FOXK1: variants seen among roughly 807,000 people sequenced by gnomAD.
FOXK1 encodes the protein forkhead box protein K1.
A neutral mutation model predicts 51.9 loss-of-function variants in FOXK1; 19 were observed. The ratio of observed to expected loss-of-function variants is 0.37; its 90% CI spans 0.26 to 0.54. FOXK1 has a LOEUF of 0.54. FOXK1 is among the 20% of genes least tolerant of loss of function. The probability of loss-of-function intolerance (pLI) is 0.87; values close to 1 mark genes in which losing one functional copy is unlikely to be tolerated. For missense variants in FOXK1, 870 were observed against 1,032.7 expected (o/e 0.84, Z 2.16); for synonymous variants, 537 against 482.6 (o/e 1.11, Z -1.48).
Position 4,754,865 on chromosome 7 carries a change from C to G in FOXK1, c.903+250C>G, listed in dbSNP as rs2291492. The stretch of plus-strand genomic sequence containing the variant: ...CACCGAGGGCCCCTCCCGCCACGCT[C>G]CTTGTTCATCTGCCGCTGGCAGCCC... On this transcript the variant is annotated intron_variant, in intron 3 of 8. Transcript: ENST00000328914. 7 of 597,340 alleles carry G rather than the reference C, an allele frequency of 1.2e-5. No individual in the cohort carries two copies. In the East Asian group the frequency reaches 2.0e-4, roughly 17 times the overall value. The allele number at this position is 597,340 out of a possible 1,614,324, so 37.0% of individuals were successfully genotyped here. A position where few individuals can be genotyped will look rare whatever the true frequency, so the allele number is the denominator to read the frequency against.
rs766114576 is a variant in FOXK1, at chr7:4,759,229, G to A, written c.1411+12G>A. On this transcript the variant is annotated intron_variant, in intron 6 of 8. Coordinates refer to ENST00000328914, the MANE Select transcript of FOXK1 (RefSeq NM_001037165.2). ...CCAAAGCGCACCCGGTAAGGAGCGG[G>A]CGGCCCTCTTGCGGGGCGGGGCGGG... is the stretch of plus-strand genomic sequence containing the variant. The A allele has an allele frequency of 2.5e-5, 40 of 1,611,608 alleles. No homozygotes were observed. The Middle Eastern group carries it at 1.6e-3, about 66-fold the overall frequency.
At chr7:4,688,409 A>T (rs963101398) in intron 1 of FOXK1, among the ~76,000 whole-genome samples, 133 of 146,848 alleles carry the variant, frequency 9.1e-4, no homozygotes, top group African/African-American at 3.2e-3. Context: ...TTTTATTTTT[A>T]TTTTTTTTTG....
chr7:4,759,325 G>A lies in FOXK1; in HGVS notation c.1426G>A (p.Ala476Thr). 6.2e-7 allele frequency: 1 copy of A among 1,600,570 alleles called. No individual in the cohort carries two copies. The highest frequency in any genetic ancestry group is 1.1e-5 in the South Asian group (1 of 90,836). The stretch of plus-strand genomic sequence containing the variant: ...CCTCCGTGCAGGCTCCCCCGTCAGC[G>A]CCCAGCCAGTGATCATGGCCGTGCC... Reference protein sequence around the residue: ...SQSAPGSPVSAQPVIMAVPPR... With the variant: ...SQSAPGSPVSTQPVIMAVPPR... The change falls in exon 7 of 9, where the codon GCC becomes ACC. Residue 476 changes from alanine to threonine, a missense_variant. Ala to Thr is a moderately conservative substitution (Grantham distance 58). Transcript: ENST00000328914.
In FOXK1 at chr7:4,755,002, G is replaced by A. The variant is rs529523326; in HGVS notation, c.904-235G>A. 3.4e-6 allele frequency: 2 copies of A among 580,734 alleles called. No individual in the cohort carries two copies. The highest frequency in any genetic ancestry group is 3.2e-5 in the Admixed American group (1 of 31,262). The allele number at this position is 580,734 out of a possible 1,614,324, so 36.0% of individuals were successfully genotyped here. ...TCAAATTGATTTCTGGAAGAGGTGA[G>A]AAATTTCAGAATTAAATTATAATAA... On this transcript the variant is annotated intron_variant, in intron 3 of 8. Coordinates refer to ENST00000328914, the MANE Select transcript of FOXK1 (RefSeq NM_001037165.2). This position sits in a 1 kb window ranked among gnomAD's most constrained non-coding sequence, Gnocchi z 6.6.
intron 1 of FOXK1, among the ~76,000 whole-genome samples, chr7:4,714,096 G>A (rs1013789128): frequency 6.6e-6 from 1 of 152,194 alleles, no homozygotes; most frequent in Non-Finnish European, 1.5e-5. Context: ...AGAGTGCTGG[G>A]ATTACAGATG....
rs541620585 is a variant in FOXK1 at position 4,722,583 on chromosome 7, G to A, written c.561-18255G>A. 2.6e-5 allele frequency among the ~76,000 whole-genome samples: 4 copies of A among 152,248 alleles called. No individual in the cohort carries two copies. The highest frequency in any genetic ancestry group is 1.9e-4 in the East Asian group (1 of 5,202). ...ACCTGCGTGCAGCACGGGCACACTCGTATACAACGGGCACACATGCACGTC... is the reference window on the plus strand; with the variant it reads ...ACCTGCGTGCAGCACGGGCACACTCATATACAACGGGCACACATGCACGTC... On this transcript the variant is annotated intron_variant, in intron 1 of 8. Coordinates refer to ENST00000328914, the MANE Select transcript of FOXK1 (RefSeq NM_001037165.2). This position sits in a 1 kb window ranked among gnomAD's most constrained non-coding sequence, Gnocchi z 5.1.
intron 1 of FOXK1, among the ~76,000 whole-genome samples, chr7:4,713,336 C>A (rs1049712738): frequency 6.6e-6 from 1 of 152,038 alleles, no homozygotes; most frequent in East Asian, 1.9e-4. Context: ...CTGAGATTCC[C>A]GCTCACTGGG....
chr7:4,710,692 C>A (rs1191806045), intron 1 of FOXK1, among the ~76,000 whole-genome samples: 3 of 152,102 alleles, frequency 2.0e-5, no homozygotes, highest in Non-Finnish European at 4.4e-5. Flanking sequence ...CATGTTCTTG[C>A]TTTGGAAGGG....
At chr7:4,689,217 A>G (rs1779860029) in intron 1 of FOXK1, among the ~76,000 whole-genome samples, 1 of 151,986 alleles carries the variant, frequency 6.6e-6, no homozygotes, top group African/African-American at 2.4e-5. Flanking sequence ...ACCTCAGGTG[A>G]TCCGCCCACC....
At chr7:4,689,501 A>T (rs1199351041) in intron 1 of FOXK1, among the ~76,000 whole-genome samples, 1 of 152,178 alleles carries the variant, frequency 6.6e-6, no homozygotes, top group African/African-American at 2.4e-5. Context: ...GTTCATGAGC[A>T]TGACAATTGG....
chr7:4,767,804 G>A lies in FOXK1; in HGVS notation c.*5340G>A, dbSNP rs1019678796. On this transcript the variant is annotated 3_prime_UTR_variant, in exon 9 of 9. Coordinates refer to ENST00000328914, the MANE Select transcript of FOXK1 (RefSeq NM_001037165.2). The surrounding 1 kb of genome is among the most constrained non-coding windows in gnomAD (Gnocchi z 6.6). The stretch of plus-strand genomic sequence containing the variant: ...GGGTTTTGATACGAAAAGCTGCTAC[G>A]TTTGGTGACCAGAGGGAGGGTTTGG... The A allele has an allele frequency of 4.0e-5, 6 of 151,866 alleles. No individual in the cohort carries two copies. Among genetic ancestry groups the A allele is most frequent in the Non-Finnish European group, 5.9e-5 (4 of 68,024 alleles). 9.4% of individuals were successfully genotyped at this position (151,866 alleles called of 1,614,324 possible).
At chr7:4,760,707 C>T (rs1056833650) in intron 7 of FOXK1, among the ~76,000 whole-genome samples, 28 of 152,114 alleles carry the variant, frequency 1.8e-4, no homozygotes, top group African/African-American at 5.1e-4. Flanking sequence ...AAAAATTAGC[C>T]GGGTGTGGTG....
Position 4,734,217 on chromosome 7 carries a change from T to C in FOXK1, c.561-6621T>C, listed in dbSNP as rs1007501185. On this transcript the variant is annotated intron_variant, in intron 1 of 8. Transcript: ENST00000328914. This position sits in a 1 kb window ranked among gnomAD's most constrained non-coding sequence, Gnocchi z 5.2. ...GAGCGGCTTGTGTGGGGTGACTCTA[T>C]CTCAAGCCGTAGGCCTCCCAGACAG... Among the ~76,000 whole-genome samples the C allele has an allele frequency of 6.6e-6, 1 of 152,192 alleles. No homozygotes were observed. Among genetic ancestry groups the C allele is most frequent in the Non-Finnish European group, 1.5e-5 (1 of 68,038 alleles).
chr7:4,699,290 T>G (rs1263728827), intron 1 of FOXK1, among the ~76,000 whole-genome samples: 3 of 151,550 alleles, frequency 2.0e-5, no homozygotes, highest in East Asian at 1.9e-4. Flanking sequence ...GGTTAGTTTT[T>G]TTTTTTTTTT....
chr7:4,721,237 C>T (rs76887398), intron 1 of FOXK1, among the ~76,000 whole-genome samples: 6,099 of 152,214 alleles, frequency 0.04, 206 homozygotes, highest in Middle Eastern at 0.088. Context: ...TCCTGGACAT[C>T]GTGGGGGCTT....
At chr7:4,710,454 A>C (rs1780160041) in intron 1 of FOXK1, among the ~76,000 whole-genome samples, 1 of 152,188 alleles carries the variant, frequency 6.6e-6, no homozygotes, top group Non-Finnish European at 1.5e-5. Context: ...GGGTGCCTGT[A>C]ATCCCAGCTC....
intron 1 of FOXK1, among the ~76,000 whole-genome samples, chr7:4,705,985 T>C (rs1311670010): frequency 1.0e-5 from 1 of 95,888 alleles, no homozygotes; most frequent in East Asian, 2.1e-4. Flanking sequence ...TATATATACG[T>C]ATATATACGT....
rs1407657663 is a variant in FOXK1 at position 4,753,403 on chromosome 7, ATGGTTCTGGATGGTTCTGGG to A, written c.747-1032_747-1013del. Among the ~76,000 whole-genome samples, 22 of 151,660 alleles carry A rather than the reference ATGGTTCTGGATGGTTCTGGG, an allele frequency of 1.5e-4. No individual in the cohort carries two copies. Among genetic ancestry groups the A allele is most frequent in the East Asian group, 5.8e-4 (3 of 5,152 alleles). On this transcript the variant is annotated intron_variant, in intron 2 of 8. Transcript: ENST00000328914. The surrounding 1 kb of genome is among the most constrained non-coding windows in gnomAD (Gnocchi z 4.9). ...GGGAGGAGGAGAATGGACCTTCTGG[ATGGTTCTGGATGGTTCTGGG>A]TGGTTCTGGATGGTTCTGGGTGGCC...
chr7:4,720,483 G>C (rs896231041), intron 1 of FOXK1, among the ~76,000 whole-genome samples: 1 of 152,062 alleles, frequency 6.6e-6, no homozygotes, highest in African/African-American at 2.4e-5. Context: ...CATTCTGTGT[G>C]AGCCCATTCA....
Sources: gnomAD v4.1 joint callset for allele counts (sites outside exome capture counted in the v4.1 genomes callset) on GRCh38, gnomAD v4.1.1 for gene constraint, Gnocchi (gnomAD v3.1) non-coding constraint, MANE v1.5 for transcripts, NCBI Gene and HGNC (gene_info 2026-07-23, HGNC 2026-07-21) for gene names.